The following IRAK2 variants were observed in gnomAD, a reference collection of about 807,000 sequenced individuals.
IRAK2 encodes interleukin-1 receptor-associated kinase-like 2.
A neutral mutation model predicts 72.0 loss-of-function variants in IRAK2; 57 were observed. The ratio of observed to expected loss-of-function variants is 0.79; its 90% confidence interval spans 0.64 to 0.99. The LOEUF is 0.99. Among genes scored for constraint, IRAK2 ranks in the 50% least tolerant of loss-of-function variants. The pLI is 0.00. For missense variants in IRAK2, 790 were observed against 794.4 expected (o/e 0.99, Z 0.07); for synonymous variants, 293 against 312.7 (o/e 0.94, Z 0.67).
Position 10,200,385 on chromosome 3 carries a change from A to G in IRAK2, c.294A>G (p.Glu98=). 1 of 1,588,680 alleles carries G rather than the reference A, an allele frequency of 6.3e-7. No individual in the cohort carries two copies. The highest frequency in any genetic ancestry group is 1.4e-5 in the African/African-American group (1 of 74,022). Residue 98 remains glutamate, a synonymous_variant, in exon 3 of 13, where the codon GAA becomes GAG. Transcript: ENST00000256458. ...QIILNWKPAP[E]IRCPIPAFPD... ...TGTTTTCAGGGAAACCGGCTCCTGA[A>G]ATCAGGTGTCCCATTCCAGCCTTCC... is the stretch of plus-strand genomic sequence containing the variant.
Position 10,228,955 on chromosome 3 carries a change from C to T in IRAK2, c.1272+2522C>T, listed in dbSNP as rs189546928. ...AGTGGCATTTTTTTTTTTTTCGAGA[C>T]AGAGTCTCGCTCTGTTGCCCAGGCT... On this transcript the variant is annotated intron_variant, in intron 10 of 12. Coordinates refer to ENST00000256458, the MANE Select transcript of IRAK2 (RefSeq NM_001570.4). 1.3e-4 allele frequency among the ~76,000 whole-genome samples: 19 copies of T among 149,938 alleles called. No homozygotes were observed. The East Asian group carries it at 3.7e-3, about 29-fold the overall frequency.
rs765868411 is a variant in IRAK2 at position 10,177,840 on chromosome 3, T to C, written c.97T>C (p.Ser33Pro). Residue 33 changes from serine to proline, a missense_variant and splice_region_variant, in exon 2 of 13, where the codon TCC becomes CCC. Physicochemically the swap from Ser to Pro is moderately conservative, Grantham distance 74. Transcript: ENST00000256458. ...AGAGTTCTCTCCGTCCCTTCCAGCC[T>C]CCTACGTGATCACAGACCTGACCCA... is the stretch of plus-strand genomic sequence containing the variant. ...LSEWDWMEFA[S>P]YVITDLTQLR... is the part of the protein sequence containing the mutation. 4.3e-6 allele frequency: 7 copies of C among 1,612,260 alleles called. No homozygotes were observed. The highest frequency in any genetic ancestry group is 5.9e-6 in the Non-Finnish European group (7 of 1,180,002).
chr3:10,204,724 G>C (rs1697410740), intron 3 of IRAK2, among the ~76,000 whole-genome samples: 3 of 152,116 alleles, frequency 2.0e-5, no homozygotes, highest in Non-Finnish European at 4.4e-5. Context: ...ACTCCAGCTT[G>C]GGTGACAGAG....
rs1303418129 is a variant in IRAK2 at position 10,200,396 on chromosome 3, C to T, written c.305C>T (p.Pro102Leu). ...AAACCGGCTCCTGAAATCAGGTGTC[C>T]CATTCCAGCCTTCCCTGACTCTGTG... ...NWKPAPEIRC[P>L]IPAFPDSVKP... Residue 102 changes from proline to leucine, a missense_variant, in exon 3 of 13, where the codon CCC becomes CTC. By Grantham distance (98) the Pro-to-Leu change is moderately conservative (BLOSUM62 -3). Transcript: ENST00000256458. 6 of 1,598,942 alleles carry T rather than the reference C, an allele frequency of 3.8e-6. No homozygotes were observed. Among genetic ancestry groups the T allele is most frequent in the Non-Finnish European group, 5.1e-6 (6 of 1,169,964 alleles).
intron 12 of IRAK2, among the ~76,000 whole-genome samples, chr3:10,240,566 T>G (rs1289683079): frequency 6.9e-5 from 3 of 43,438 alleles, no homozygotes; most frequent in African/African-American, 1.0e-4. Context: ...GCCTTTTTTT[T>G]TTTTTGTTTT....
At chr3:10,183,898 T>G (rs1482653965) in intron 2 of IRAK2, among the ~76,000 whole-genome samples, 1 of 152,138 alleles carries the variant, frequency 6.6e-6, no homozygotes, top group East Asian at 1.9e-4. Context: ...GGTTCACTAC[T>G]GTAAAACAAG....
chr3:10,226,521 T>C (rs1697778077), intron 10 of IRAK2, 88 bp downstream of exon 10: 8 of 1,082,308 alleles, frequency 7.4e-6, no homozygotes, highest in Non-Finnish European at 1.1e-5. Context: ...CTAGCTAGTT[T>C]TACACATGCA....
intron 1 of IRAK2, 46 bp from the exon 2 acceptor site, chr3:10,177,792 G>T: frequency 6.3e-7 from 1 of 1,584,318 alleles, no homozygotes; most frequent in Non-Finnish European, 8.6e-7. Context: ...TGTCCTAGAG[G>T]GACTGCCTCT....
chr3:10,207,001 T>G (rs545072106), intron 3 of IRAK2, among the ~76,000 whole-genome samples: 1 of 152,214 alleles, frequency 6.6e-6, no homozygotes, highest in Admixed American at 6.5e-5. Flanking sequence ...TTACAGGCAC[T>G]CGCCATCATG....
At chr3:10,205,597 G>C (rs1309507811) in intron 3 of IRAK2, among the ~76,000 whole-genome samples, 1 of 152,234 alleles carries the variant, frequency 6.6e-6, no homozygotes, top group Non-Finnish European at 1.5e-5. Context: ...GCCCTGCCCT[G>C]TGGCCAGGCC....
intron 10 of IRAK2, among the ~76,000 whole-genome samples, chr3:10,230,575 T>C: frequency 6.6e-6 from 1 of 152,100 alleles, no homozygotes; most frequent in Non-Finnish European, 1.5e-5. Flanking sequence ...TAACTATTAG[T>C]ATTATCATTA....
intron 7 of IRAK2, 23 bp from the exon 8 acceptor site, chr3:10,219,657 C>T: frequency 6.4e-7 from 1 of 1,571,226 alleles, no homozygotes; most frequent in Non-Finnish European, 8.8e-7. Context: ...GACTATTTGT[C>T]CTCCTGCTTT....
In IRAK2 at chr3:10,209,153, A is replaced by G. The variant is rs9844047; in HGVS notation, c.425-436A>G. Among the ~76,000 whole-genome samples, 808 of 152,200 alleles carry G rather than the reference A, an allele frequency of 5.3e-3. 8 individuals carry two copies. Among genetic ancestry groups the G allele is most frequent in the African/African-American group, 0.018 (749 of 41,524 alleles). ...CCCGTGGGATGTATCCTCGGAGGAT[A>G]GTTACTGCATCCCTGCCCTGGTGGA... On this transcript the variant is annotated intron_variant, in intron 3 of 12. Transcript: ENST00000256458.
chr3:10,207,271 A>G (rs1697447226), intron 3 of IRAK2, among the ~76,000 whole-genome samples: 1 of 152,158 alleles, frequency 6.6e-6, no homozygotes, highest in Non-Finnish European at 1.5e-5. Context: ...ATTTTTTAAT[A>G]GCCAAAGTTC....
chr3:10,172,034 G>A (rs565653651), intron 1 of IRAK2, among the ~76,000 whole-genome samples: 7 of 152,110 alleles, frequency 4.6e-5, no homozygotes, highest in South Asian at 2.1e-4. Flanking sequence ...TCAGGAGTTC[G>A]AAACCAGCCT....
At chr3:10,214,697 A>G (rs1400290545) in intron 6 of IRAK2, among the ~76,000 whole-genome samples, 2 of 152,114 alleles carry the variant, frequency 1.3e-5, no homozygotes, top group Non-Finnish European at 2.9e-5. Context: ...CTGTAATCCT[A>G]GAACTTTGAT....
At chr3:10,235,867 G>A (rs1697947987) in intron 11 of IRAK2, among the ~76,000 whole-genome samples, 2 of 152,138 alleles carry the variant, frequency 1.3e-5, no homozygotes, top group African/African-American at 4.8e-5. Context: ...CTGTCACGTG[G>A]CAGGAGCTGG....
chr3:10,189,947 G>C (rs555456187), intron 2 of IRAK2, among the ~76,000 whole-genome samples: 29 of 152,198 alleles, frequency 1.9e-4, no homozygotes, highest in African/African-American at 6.0e-4. Flanking sequence ...CCACAGGCCA[G>C]GGGTCAGAGC....
chr3:10,225,465 T>A (rs1181462755), intron 9 of IRAK2, among the ~76,000 whole-genome samples: 2 of 152,212 alleles, frequency 1.3e-5, no homozygotes, highest in African/African-American at 4.8e-5. Flanking sequence ...TTCCTGTTTA[T>A]GAAGACATAT....
Sources: allele counts gnomAD v4.1 joint callset (sites outside exome capture counted in the v4.1 genomes callset), GRCh38; gene constraint gnomAD v4.1.1; transcripts MANE v1.5; gene names NCBI Gene and HGNC (gene_info 2026-07-23, HGNC 2026-07-21).